Variants in RETREG1 observed in about 807,000 individuals in gnomAD.
RETREG1 encodes the protein reticulophagy regulator 1, also known as family with sequence similarity 134 member B.
Under a neutral mutation model 54.8 loss-of-function variants are expected in RETREG1, and 44 were observed. The ratio of observed to expected loss-of-function variants is 0.80; its 90% CI spans 0.63 to 1.03. The LOEUF (loss-of-function observed/expected upper bound fraction) is 1.03. Ranked by LOEUF, RETREG1 falls within the 50% of genes least tolerant of loss-of-function variation. The pLI is 0.00. For synonymous variants in RETREG1, 217 were observed against 238.5 expected (o/e 0.91, Z 0.83); for missense variants, 554 against 605.1 (o/e 0.92, Z 0.89).
chr5:16,527,736 G>T (rs1413656160), intron 3 of RETREG1, among the ~76,000 whole-genome samples: 3 of 149,180 alleles, frequency 2.0e-5, no homozygotes, highest in African/African-American at 7.4e-5. Context: ...TATAGTAAGT[G>T]GTTGTGTGAT....
intron 3 of RETREG1, among the ~76,000 whole-genome samples, chr5:16,533,422 C>A (rs1291444278): frequency 2.0e-5 from 3 of 152,212 alleles, no homozygotes; most frequent in African/African-American, 7.2e-5. Flanking sequence ...CACCCCCATC[C>A]TTCTCCATCT....
In RETREG1 at chr5:16,585,712, A is replaced by C. The variant is rs190923032; in HGVS notation, c.321-13610T>G. On this transcript the variant is annotated intron_variant, in intron 1 of 8. Transcript: ENST00000306320. This position sits in a 1 kb window ranked among gnomAD's most constrained non-coding sequence, Gnocchi z 4.5. Reference sequence around the variant, plus strand: ...TGGCTCTTGGTTCTGCAGGCTGTACAGGAAGCATGGGGTCAGCATCTGCTC... The same window carrying C: ...TGGCTCTTGGTTCTGCAGGCTGTACCGGAAGCATGGGGTCAGCATCTGCTC... Among the ~76,000 whole-genome samples the C allele has an allele frequency of 6.6e-6, 1 of 152,228 alleles. No individual in the cohort carries two copies. Among genetic ancestry groups the C allele is most frequent in the Non-Finnish European group, 1.5e-5 (1 of 68,038 alleles).
intron 3 of RETREG1, among the ~76,000 whole-genome samples, chr5:16,507,158 C>T (rs1196474541): frequency 6.6e-6 from 1 of 151,986 alleles, no homozygotes; most frequent in African/African-American, 2.4e-5. Flanking sequence ...TTAAAGCAAC[C>T]CTAATCACAT....
chr5:16,606,214 T>G (rs1743187081), intron 1 of RETREG1, among the ~76,000 whole-genome samples: 2 of 152,116 alleles, frequency 1.3e-5, no homozygotes, highest in Non-Finnish European at 2.9e-5. Context: ...AAGGAGCAAT[T>G]GCAAGTCAAG....
rs1743541483 is a variant in RETREG1, at chr5:16,616,960, C to T, written c.12G>A (p.Pro4=). 2.4e-5 allele frequency: 34 copies of T among 1,432,964 alleles called. No homozygotes were observed. Among genetic ancestry groups the T allele is most frequent in the Non-Finnish European group, 3.0e-5 (33 of 1,095,800 alleles). The allele number at this position is 1,432,964 out of a possible 1,614,324, so 88.8% of individuals were successfully genotyped here. MAS[P]APPEHAEEGC... is the part of the protein sequence containing the mutation. ...CCTCCTCGGCGTGCTCCGGAGGCGCCGGGCTCGCCATCTTCAGCTGTGCTT... is the reference window on the plus strand; with the variant it reads ...CCTCCTCGGCGTGCTCCGGAGGCGCTGGGCTCGCCATCTTCAGCTGTGCTT... The change falls in exon 1 of 9, where the codon CCG becomes CCA. Residue 4 remains proline, a synonymous_variant. Coordinates refer to ENST00000306320, the MANE Select transcript of RETREG1 (RefSeq NM_001034850.3).
At chr5:16,524,369 A>G (rs1206575086) in intron 3 of RETREG1, among the ~76,000 whole-genome samples, 1 of 152,132 alleles carries the variant, frequency 6.6e-6, no homozygotes, top group Non-Finnish European at 1.5e-5. Context: ...AACTTAAACC[A>G]CATCCAGATT....
At chr5:16,609,466 C>T (rs191475768) in intron 1 of RETREG1, among the ~76,000 whole-genome samples, 3 of 152,180 alleles carry the variant, frequency 2.0e-5, no homozygotes, top group Non-Finnish European at 2.9e-5. Context: ...TAACAACCAG[C>T]GATAGTAGCA....
Position 16,474,973 on chromosome 5 carries a change from A to G in RETREG1, c.1262T>C (p.Val421Ala), listed in dbSNP as rs1579575180. Residue 421 changes from valine to alanine, a missense_variant, in exon 9 of 9, where the codon GTG becomes GCG. Physicochemically the swap from Val to Ala is moderately conservative, Grantham distance 64 (BLOSUM62 0). Coordinates refer to ENST00000306320, the MANE Select transcript of RETREG1 (RefSeq NM_001034850.3). ...NLAGDVITAA[V>A]TAAIKDQLEG... is the part of the protein sequence containing the mutation. ...TAACTGGTCTTTGATAGCTGCAGTCACTGCAGCTGTGATAACATCCCCAGC... is the reference window on the plus strand; with the variant it reads ...TAACTGGTCTTTGATAGCTGCAGTCGCTGCAGCTGTGATAACATCCCCAGC... 6.2e-7 allele frequency: 1 copy of G among 1,613,860 alleles called. No homozygotes were observed. Among genetic ancestry groups the G allele is most frequent in the Admixed American group, 1.7e-5 (1 of 59,932 alleles).
intron 1 of RETREG1, 78 bp downstream of exon 1, chr5:16,616,574 T>A: frequency 6.5e-7 from 1 of 1,530,874 alleles, no homozygotes; most frequent in East Asian, 2.5e-5. Context: ...GGGCTCCCCC[T>A]GCACTGGGTC....
At position 16,504,829 on chromosome 5, in the gene RETREG1, A is replaced by G. The variant is rs143636222; in HGVS notation, c.459-21357T>C. On this transcript the variant is annotated intron_variant, in intron 3 of 8. Transcript: ENST00000306320. ...CAAAAGTTGACATACGCTGGCTCAC[A>G]GGAATCCCAACGGCACCCTGGTCAG... Among the ~76,000 whole-genome samples the G allele has an allele frequency of 5.0e-3, 762 of 152,300 alleles. 4 individuals are homozygous for G. The highest frequency in any genetic ancestry group is 7.8e-3 in the Non-Finnish European group (528 of 68,020).
At chr5:16,596,867 G>A (rs551086782) in intron 1 of RETREG1, among the ~76,000 whole-genome samples, 2 of 152,252 alleles carry the variant, frequency 1.3e-5, no homozygotes, top group South Asian at 2.1e-4. Flanking sequence ...GCTTCTATAC[G>A]CAAGCAGATG....
At chr5:16,565,881 T>C (rs1280800422) in intron 2 of RETREG1, 88 bp from the exon 3 acceptor site, 1 of 1,362,686 alleles carries the variant, frequency 7.3e-7, no homozygotes, top group African/African-American at 1.4e-5. Flanking sequence ...CCAAGCTATT[T>C]AAAGTGGAAT....
intron 7 of RETREG1, 68 bp downstream of exon 7, chr5:16,477,966 C>A (rs1738611870): frequency 1.5e-6 from 2 of 1,363,822 alleles, no homozygotes; most frequent in Non-Finnish European, 2.1e-6. Flanking sequence ...GATCATTCAG[C>A]TTTGTATGCA....
chr5:16,532,189 T>C (rs1740936057), intron 3 of RETREG1, among the ~76,000 whole-genome samples: 1 of 152,204 alleles, frequency 6.6e-6, no homozygotes, highest in South Asian at 2.1e-4. Context: ...TGCAGTTTTC[T>C]AGAACATCAG....
chr5:16,474,499 C>A lies in RETREG1; in HGVS notation c.*242G>T. ...AACCCCTAATATTTATCTCTGACAA[C>A]ACAGTGGTGTGTATAAAGTTCATTT... is the stretch of plus-strand genomic sequence containing the variant. On this transcript the variant is annotated 3_prime_UTR_variant, in exon 9 of 9. Transcript: ENST00000306320. 2.0e-6 allele frequency: 1 copy of A among 510,282 alleles called. No homozygotes were observed. The highest frequency in any genetic ancestry group is 3.4e-6 in the Non-Finnish European group (1 of 291,556). The allele number at this position is 510,282 out of a possible 1,614,324, so 31.6% of individuals were successfully genotyped here. A position where few individuals can be genotyped will look rare whatever the true frequency, so the allele number is the denominator to read the frequency against.
chr5:16,547,458 C>T (rs533641707), intron 3 of RETREG1, among the ~76,000 whole-genome samples: 78 of 152,278 alleles, frequency 5.1e-4, no homozygotes, highest in Middle Eastern at 6.8e-3. Flanking sequence ...ACCATCTTCC[C>T]GCAGAGCCTG....
chr5:16,495,929 G>A (rs1176879134), intron 3 of RETREG1, among the ~76,000 whole-genome samples: 1 of 152,112 alleles, frequency 6.6e-6, no homozygotes, highest in African/African-American at 2.4e-5. Context: ...CTTCACTTAG[G>A]TGCGGGGACT....
Position 16,597,651 on chromosome 5 carries a change from C to A in RETREG1, c.320+19001G>T, listed in dbSNP as rs562961043. ...TCCTCCCCCACCCACAAGAGTGACC[C>A]CACCAGTGGCTTCCTATAGAAAACA... On this transcript the variant is annotated intron_variant, in intron 1 of 8. Coordinates refer to ENST00000306320, the MANE Select transcript of RETREG1 (RefSeq NM_001034850.3). This position sits in a 1 kb window ranked among gnomAD's most constrained non-coding sequence, Gnocchi z 4.3. 1.3e-5 allele frequency among the ~76,000 whole-genome samples: 2 copies of A among 152,244 alleles called. No homozygotes were observed. Among genetic ancestry groups the A allele is most frequent in the South Asian group, 4.1e-4 (2 of 4,822 alleles).
chr5:16,616,902 G>T lies in RETREG1; in HGVS notation c.70C>A (p.Pro24Thr). ...GCCTGGGGCGGTGGCGGCGACGGCG[G>T]CGCCTGCTCCTCGGCGGCAGGAGCC... is the stretch of plus-strand genomic sequence containing the variant. Reference protein sequence around the residue: ...CPAPAAEEQAPPSPPPPQASP... With the variant: ...CPAPAAEEQATPSPPPPQASP... Residue 24 changes from proline (P) to threonine (T), a missense_variant, in exon 1 of 9, where the codon CCG becomes ACG. Transcript: ENST00000306320. 6.8e-7 allele frequency: 1 copy of T among 1,480,284 alleles called. No homozygotes were observed. The highest frequency in any genetic ancestry group is 8.9e-7 in the Non-Finnish European group (1 of 1,122,772). 91.7% of individuals were successfully genotyped at this position (1,480,284 alleles called of 1,614,324 possible). A position where few individuals can be genotyped will look rare whatever the true frequency, so the allele number is the denominator to read the frequency against.
Sources: gnomAD v4.1 joint callset for allele counts (sites outside exome capture counted in the v4.1 genomes callset) on GRCh38, gnomAD v4.1.1 for gene constraint, Gnocchi (gnomAD v3.1) non-coding constraint, MANE v1.5 for transcripts, NCBI Gene and HGNC (gene_info 2026-07-23, HGNC 2026-07-21) for gene names.